DPP10: variants seen among roughly 807,000 people sequenced by gnomAD.
DPP10 encodes the protein inactive dipeptidyl peptidase 10.
DPP10 carries 33 observed loss-of-function variants against 120.9 expected under a neutral mutation model. That is an observed-to-expected ratio of 0.27 (90% confidence interval 0.21 to 0.37). The LOEUF (loss-of-function observed/expected upper bound fraction) is 0.37, where lower values mean the gene tolerates loss of function less well. Ranked by LOEUF, DPP10 falls within the 10% of genes least tolerant of loss-of-function variation. The probability of loss-of-function intolerance (pLI) is 1.00; values close to 1 mark genes in which losing one functional copy is unlikely to be tolerated. For synonymous variants in DPP10, 337 were observed against 326.1 expected, an observed-to-expected ratio of 1.03 and a Z score of -0.36; for missense variants, 816 against 942.8, an observed-to-expected ratio of 0.87 and a Z score of 1.76.
intron 1 of DPP10, among the ~76,000 whole-genome samples, chr2:114,654,978 A>G (rs541157058): frequency 7.9e-5 from 12 of 152,224 alleles, no homozygotes; most frequent in Non-Finnish European, 1.6e-4. Flanking sequence ...CAATTTCCCC[A>G]CTCTCTGCCA....
At chr2:115,109,795 A>G (rs1283264419) in intron 1 of DPP10, among the ~76,000 whole-genome samples, 1 of 152,170 alleles carries the variant, frequency 6.6e-6, no homozygotes, top group East Asian at 1.9e-4. Flanking sequence ...ACTGGTATCA[A>G]TTGGATAGAG....
At chr2:115,011,438 T>C (rs1249695268) in intron 1 of DPP10, among the ~76,000 whole-genome samples, 3 of 152,198 alleles carry the variant, frequency 2.0e-5, no homozygotes, top group Non-Finnish European at 2.9e-5. Flanking sequence ...TTTTGACCCA[T>C]GTATTTTTCT....
chr2:115,777,893 G>A (rs2149850406), intron 15 of DPP10, 59 bp downstream of exon 15: 1 of 1,535,186 alleles, frequency 6.5e-7, no homozygotes, highest in Non-Finnish European at 8.9e-7. Flanking sequence ...TATCTATGTA[G>A]CATAAGGAAG....
rs1436536340 is a variant in DPP10 at position 114,881,594 on chromosome 2, GTCTGTCTATCTA to G, written c.61-427641_61-427630del. Among the ~76,000 whole-genome samples the G allele has an allele frequency of 3.4e-3, 325 of 96,330 alleles. 1 individual carries two copies. Among genetic ancestry groups the G allele is most frequent in the African/African-American group, 8.7e-3 (279 of 31,930 alleles). The allele number at this position is 96,330 out of a possible 152,430, so 63.2% of individuals were successfully genotyped here. A position where few individuals can be genotyped will look rare whatever the true frequency, so the allele number is the denominator to read the frequency against. ...TATCTATCTATCTGTCTGTCTGTCT[GTCTGTCTATCTA>G]TCTATCTATCTATCTATCTATCTAT... On this transcript the variant is annotated intron_variant, in intron 1 of 25. Coordinates refer to ENST00000410059, the MANE Select transcript of DPP10 (RefSeq NM_020868.6).
At chr2:115,335,973 A>G (rs1368849812) in intron 2 of DPP10, among the ~76,000 whole-genome samples, 1 of 152,046 alleles carries the variant, frequency 6.6e-6, no homozygotes, top group South Asian at 2.1e-4. Flanking sequence ...TTTTCTTTCT[A>G]TTTCTGTTTT....
intron 5 of DPP10, among the ~76,000 whole-genome samples, chr2:115,654,978 A>T (rs1379842064): frequency 1.3e-5 from 2 of 151,732 alleles, no homozygotes; most frequent in African/African-American, 4.8e-5. Flanking sequence ...AATTTCCAAA[A>T]TTCTACACTT....
intron 4 of DPP10, among the ~76,000 whole-genome samples, chr2:115,510,072 A>G (rs1325158907): frequency 6.6e-6 from 1 of 152,148 alleles, no homozygotes; most frequent in Non-Finnish European, 1.5e-5. Context: ...GCTGAATTGT[A>G]AGATTTTTTC....
At chr2:115,123,949 G>A (rs1248472675) in intron 1 of DPP10, among the ~76,000 whole-genome samples, 4 of 149,344 alleles carry the variant, frequency 2.7e-5, no homozygotes, top group African/African-American at 9.8e-5. Context: ...GTCTGATTAT[G>A]CCTTTTTTTT....
chr2:115,534,438 A>G (rs1235044570), intron 5 of DPP10, among the ~76,000 whole-genome samples: 1 of 150,800 alleles, frequency 6.6e-6, no homozygotes, highest in Non-Finnish European at 1.5e-5. Context: ...AAGGACATGA[A>G]CTCATCATTT....
intron 3 of DPP10, among the ~76,000 whole-genome samples, chr2:115,441,834 TTTG>T (rs1366577127): frequency 2.0e-5 from 3 of 149,858 alleles, no homozygotes; most frequent in Non-Finnish European, 4.5e-5. Flanking sequence ...TTTTTTTTTT[TTTG>T]ACAGAGTCTC....
intron 5 of DPP10, among the ~76,000 whole-genome samples, chr2:115,556,612 G>A (rs990760421): frequency 2.0e-5 from 3 of 152,000 alleles, no homozygotes; most frequent in African/African-American, 7.2e-5. Context: ...CTTAGCAAAG[G>A]ATTTAGTTAG....
intron 1 of DPP10, among the ~76,000 whole-genome samples, chr2:114,934,579 C>A (rs1318473736): frequency 6.6e-6 from 1 of 151,794 alleles, no homozygotes; most frequent in African/African-American, 2.4e-5. Flanking sequence ...ATAAGTGGAC[C>A]CCTGTAGTTG....
chr2:115,610,382 T>C (rs1054121192), intron 5 of DPP10, among the ~76,000 whole-genome samples: 2 of 152,084 alleles, frequency 1.3e-5, no homozygotes, highest in Non-Finnish European at 2.9e-5. Context: ...TATTAGTTAC[T>C]GAGATCAACC....
chr2:115,585,569 C>T (rs1218613648), intron 5 of DPP10, among the ~76,000 whole-genome samples: 1 of 152,166 alleles, frequency 6.6e-6, no homozygotes, highest in Admixed American at 6.5e-5. Flanking sequence ...TCCTCTTTCC[C>T]TTCCTTCCTT....
intron 5 of DPP10, among the ~76,000 whole-genome samples, chr2:115,623,218 G>A (rs920749225): frequency 1.1e-4 from 16 of 151,878 alleles, no homozygotes; most frequent in African/African-American, 3.6e-4. Flanking sequence ...AGACAACATG[G>A]CTCACAAATC....
At chr2:114,545,948 A>G (rs572669977) in intron 1 of DPP10, among the ~76,000 whole-genome samples, 3 of 152,156 alleles carry the variant, frequency 2.0e-5, no homozygotes, top group African/African-American at 7.2e-5. Flanking sequence ...TGAATTGTGT[A>G]TGAAATTCTA....
chr2:114,512,566 G>A (rs1405770840), intron 1 of DPP10, among the ~76,000 whole-genome samples: 4 of 152,184 alleles, frequency 2.6e-5, no homozygotes, highest in Non-Finnish European at 5.9e-5. Flanking sequence ...ATACTATACA[G>A]GAAAGTGCTA....
chr2:115,551,965 C>T (rs886749890), intron 5 of DPP10, among the ~76,000 whole-genome samples: 1 of 152,088 alleles, frequency 6.6e-6, no homozygotes, highest in South Asian at 2.1e-4. Context: ...GCAGCCACTG[C>T]GTTTCTAATT....
At chr2:114,803,089 G>C (rs1460711150) in intron 1 of DPP10, among the ~76,000 whole-genome samples, 1 of 152,204 alleles carries the variant, frequency 6.6e-6, no homozygotes, top group South Asian at 2.1e-4. Context: ...CATGGTGGCC[G>C]GTCTTTCCCA....
Sources: gnomAD v4.1 joint callset for allele counts (sites outside exome capture counted in the v4.1 genomes callset) on GRCh38, gnomAD v4.1.1 for gene constraint, MANE v1.5 for transcripts, NCBI Gene and HGNC (gene_info 2026-07-23, HGNC 2026-07-21) for gene names.